The following CDH13 variants were observed in gnomAD, a reference collection of about 807,000 sequenced individuals.
CDH13 encodes the protein cadherin-13.
In CDH13, 24 loss-of-function variants were observed where a neutral mutation model predicts 63.8. The observed-to-expected ratio is 0.38, with a 90% confidence interval of 0.27 to 0.53. CDH13 has a LOEUF of 0.53. Among genes scored for constraint, CDH13 ranks in the 20% least tolerant of loss-of-function variants. CDH13 has a pLI of 0.85. For synonymous variants in CDH13, 503 were observed against 355.3 expected (o/e 1.42, Z -4.67); for missense variants, 1,049 against 903.1 (o/e 1.16, Z -2.07).
chr16:82,765,925 A>C (rs1032871894), intron 1 of CDH13, among the ~76,000 whole-genome samples: 3 of 152,158 alleles, frequency 2.0e-5, no homozygotes, highest in African/African-American at 7.2e-5. Context: ...GAGTTAAATC[A>C]CTTCTCATAA....
chr16:82,707,961 G>A (rs147511986), intron 1 of CDH13, among the ~76,000 whole-genome samples: 1 of 152,106 alleles, frequency 6.6e-6, no homozygotes, highest in Non-Finnish European at 1.5e-5. Context: ...GTCATGTTTT[G>A]GTCCCTTGGT....
intron 1 of CDH13, among the ~76,000 whole-genome samples, chr16:82,750,900 A>T (rs2034387491): frequency 6.6e-6 from 1 of 152,226 alleles, no homozygotes. Context: ...GGTCACTTAA[A>T]ACAAGTGTCT....
intron 5 of CDH13, among the ~76,000 whole-genome samples, chr16:83,294,499 C>G (rs1275223154): frequency 6.6e-6 from 1 of 152,030 alleles, no homozygotes; most frequent in Non-Finnish European, 1.5e-5. Flanking sequence ...TGGTATTTGC[C>G]TTGCTGTGCT....
At chr16:82,642,166 C>G (rs1208637037) in intron 1 of CDH13, among the ~76,000 whole-genome samples, 2 of 151,254 alleles carry the variant, frequency 1.3e-5, no homozygotes, top group African/African-American at 4.9e-5. Flanking sequence ...AGCCTAACAC[C>G]TAACTCATTG....
At chr16:83,311,843 G>C (rs972468240) in intron 5 of CDH13, among the ~76,000 whole-genome samples, 1 of 152,158 alleles carries the variant, frequency 6.6e-6, no homozygotes, top group Non-Finnish European at 1.5e-5. Context: ...GGGAGGCCAA[G>C]GCGGGTGGAT....
chr16:83,598,975 A>G (rs1284112081), intron 7 of CDH13, among the ~76,000 whole-genome samples: 4 of 152,240 alleles, frequency 2.6e-5, no homozygotes, highest in African/African-American at 4.8e-5. Flanking sequence ...TCCTCATCGC[A>G]TGATGATAGG....
In CDH13 at chr16:83,224,082, A is replaced by G. The variant is rs560946688; in HGVS notation, c.636+6585A>G. On this transcript the variant is annotated intron_variant, in intron 5 of 13. Transcript: ENST00000567109. ...TTAGCTCCTAATTATGAGTGAGAAC[A>G]TATGATGTTTGGTTTTCCATTCCTG... Among the ~76,000 whole-genome samples the G allele has an allele frequency of 3.9e-5, 6 of 152,296 alleles. No homozygotes were observed. In the East Asian group the frequency reaches 7.7e-4, roughly 20 times the overall value.
intron 6 of CDH13, among the ~76,000 whole-genome samples, chr16:83,376,046 A>G (rs1424814975): frequency 6.6e-6 from 1 of 152,170 alleles, no homozygotes. Flanking sequence ...AGGTGTTCCA[A>G]CTGTATTGTG....
At chr16:83,629,282 A>T (rs11645324) in intron 8 of CDH13, among the ~76,000 whole-genome samples, 18,084 of 152,240 alleles carry the variant, frequency 0.12, 1,127 homozygotes, top group African/African-American at 0.14. Flanking sequence ...AAGATTTTAA[A>T]AATATATTTT....
Position 83,154,290 on chromosome 16 carries a change from C to T in CDH13, c.483+28789C>T, listed in dbSNP as rs776318525. 1.6e-4 allele frequency among the ~76,000 whole-genome samples: 25 copies of T among 152,112 alleles called. 1 individual carries two copies. The highest frequency in any genetic ancestry group is 3.7e-4 in the Non-Finnish European group (25 of 68,024). ...TGTATCTTTTGGCCAAGTGCAGTGG[C>T]TCACATCTGTAATCCCAGCACTTTG... is the stretch of plus-strand genomic sequence containing the variant. On this transcript the variant is annotated intron_variant, in intron 4 of 13. Coordinates refer to ENST00000567109, the MANE Select transcript of CDH13 (RefSeq NM_001257.5).
rs1463072604 is a variant in CDH13, at chr16:83,125,640, G to A, written c.483+139G>A. 1.3e-5 allele frequency: 7 copies of A among 540,326 alleles called. No individual in the cohort carries two copies. In the East Asian group the frequency reaches 1.8e-4, roughly 14 times the overall value. The allele number at this position is 540,326 out of a possible 1,614,324, so 33.5% of individuals were successfully genotyped here. A position where few individuals can be genotyped will look rare whatever the true frequency, so the allele number is the denominator to read the frequency against. On this transcript the variant is annotated intron_variant, in intron 4 of 13. Transcript: ENST00000567109. ...ATAAGAGACCAAATGGTTTAGTCAT[G>A]AAAAGAATGTTGGAAGATCATTCAT... is the stretch of plus-strand genomic sequence containing the variant.
intron 6 of CDH13, among the ~76,000 whole-genome samples, chr16:83,396,284 C>G (rs1364671836): frequency 6.6e-6 from 1 of 152,114 alleles, no homozygotes; most frequent in Non-Finnish European, 1.5e-5. Flanking sequence ...GGGGGTAATC[C>G]ATTCTCTACC....
rs571851894 is a variant in CDH13, at chr16:82,653,683, C to T, written c.45+26546C>T. ...TGGATTGGTTAAGAAACACGATGTG[C>T]ATGTCATGTTGAGAAACTTGGATTT... On this transcript the variant is annotated intron_variant, in intron 1 of 13. Coordinates refer to ENST00000567109, the MANE Select transcript of CDH13 (RefSeq NM_001257.5). 9.9e-5 allele frequency among the ~76,000 whole-genome samples: 15 copies of T among 152,226 alleles called. No homozygotes were observed. In the South Asian group the frequency reaches 1.2e-3, roughly 13 times the overall value.
intron 6 of CDH13, among the ~76,000 whole-genome samples, chr16:83,386,046 C>G (rs927137610): frequency 2.6e-5 from 4 of 152,230 alleles, no homozygotes; most frequent in Non-Finnish European, 4.4e-5. Flanking sequence ...TGTTCTCCAT[C>G]TCAGTTTCCT....
chr16:83,784,404 G>C (rs893366856), intron 13 of CDH13, among the ~76,000 whole-genome samples: 2 of 152,078 alleles, frequency 1.3e-5, no homozygotes, highest in African/African-American at 4.8e-5. Context: ...GGTCGAGGTG[G>C]GTGGATCATC....
At chr16:82,789,981 G>T (rs1360311678) in intron 1 of CDH13, among the ~76,000 whole-genome samples, 2 of 152,032 alleles carry the variant, frequency 1.3e-5, no homozygotes, top group African/African-American at 2.4e-5. Flanking sequence ...TCTGTCTATT[G>T]GCGAGATTTC....
At chr16:83,274,080 T>G (rs1251798738) in intron 5 of CDH13, among the ~76,000 whole-genome samples, 1 of 152,128 alleles carries the variant, frequency 6.6e-6, no homozygotes, top group Non-Finnish European at 1.5e-5. Context: ...TTCAAGCCAA[T>G]CTTACACCCT....
At chr16:82,738,348 G>A (rs1373979585) in intron 1 of CDH13, among the ~76,000 whole-genome samples, 1 of 152,206 alleles carries the variant, frequency 6.6e-6, no homozygotes, top group Non-Finnish European at 1.5e-5. Context: ...TTGTGTTCCT[G>A]TCAAACTCTA....
intron 2 of CDH13, among the ~76,000 whole-genome samples, chr16:82,933,671 C>T (rs780526558): frequency 3.9e-5 from 6 of 151,972 alleles, no homozygotes; most frequent in Non-Finnish European, 8.8e-5. Flanking sequence ...CCTGTAAAAT[C>T]AAAAGCAAGT....
Sources: gnomAD v4.1 joint callset for allele counts (sites outside exome capture counted in the v4.1 genomes callset) on GRCh38, gnomAD v4.1.1 for gene constraint, MANE v1.5 for transcripts, NCBI Gene and HGNC (gene_info 2026-07-23, HGNC 2026-07-21) for gene names.